PPP1R1C: variants seen among roughly 807,000 people sequenced by gnomAD.
PPP1R1C encodes the protein protein phosphatase 1 regulatory inhibitor subunit 1C.
PPP1R1C carries 15 observed loss-of-function variants against 17.4 expected under a neutral mutation model. The observed-to-expected ratio is 0.86, with a 90% CI of 0.58 to 1.33. PPP1R1C has a LOEUF of 1.33. Ranked by LOEUF, PPP1R1C falls within the 40% of genes most tolerant of loss-of-function variation. PPP1R1C has a pLI of 0.00. For synonymous variants in PPP1R1C, 35 were observed against 43.1 expected (o/e 0.81, Z 0.73); for missense variants, 143 against 130.0 (o/e 1.10, Z -0.48).
intron 5 of PPP1R1C, among the ~76,000 whole-genome samples, chr2:182,123,704 GT>G (rs1689795136): frequency 6.6e-6 from 1 of 152,008 alleles, no homozygotes; most frequent in Non-Finnish European, 1.5e-5. Flanking sequence ...GGGGTTGTTT[GT>G]TTTTTTCTTG....
At chr2:182,098,933 C>T (rs560903343) in intron 4 of PPP1R1C, among the ~76,000 whole-genome samples, 5 of 152,298 alleles carry the variant, frequency 3.3e-5, no homozygotes, top group African/African-American at 4.8e-5. Context: ...ATTACTTGAA[C>T]GTTTCTTCTC....
At chr2:182,125,328 G>A (rs1689848347) in intron 5 of PPP1R1C, among the ~76,000 whole-genome samples, 1 of 152,034 alleles carries the variant, frequency 6.6e-6, no homozygotes. Flanking sequence ...TTTTCACATC[G>A]ATGTTCATCA....
chr2:182,064,059 C>T (rs1687919205), intron 4 of PPP1R1C: 3 of 415,634 alleles, frequency 7.2e-6, no homozygotes, highest in Non-Finnish European at 1.3e-5. Context: ...TTTTTTTTTA[C>T]CGTTATTCGC....
chr2:182,125,946 T>C (rs1689862368), intron 5 of PPP1R1C, among the ~76,000 whole-genome samples: 1 of 152,176 alleles, frequency 6.6e-6, no homozygotes, highest in Admixed American at 6.6e-5. Flanking sequence ...TTTCTTGTCT[T>C]CTGCAAGCTT....
At chr2:182,023,250 G>T (rs1686485143) in intron 2 of PPP1R1C, among the ~76,000 whole-genome samples, 1 of 152,044 alleles carries the variant, frequency 6.6e-6, no homozygotes, top group Non-Finnish European at 1.5e-5. Context: ...CAGATGATAA[G>T]AAGAAACAGT....
chr2:182,058,273 C>T (rs13397924), intron 2 of PPP1R1C, among the ~76,000 whole-genome samples: 72 of 152,068 alleles, frequency 4.7e-4, no homozygotes, highest in African/African-American at 1.7e-3. Context: ...TACTAGTCAG[C>T]AATCTTGTAC....
chr2:182,056,222 T>C (rs931575818), intron 2 of PPP1R1C, among the ~76,000 whole-genome samples: 10 of 152,222 alleles, frequency 6.6e-5, no homozygotes, highest in Non-Finnish European at 2.9e-5. Flanking sequence ...GTCTGGCCTT[T>C]GTCTTTCACA....
chr2:181,964,104 A>G (rs534741075), intron 1 of PPP1R1C, among the ~76,000 whole-genome samples: 2 of 152,036 alleles, frequency 1.3e-5, no homozygotes, highest in Non-Finnish European at 2.9e-5. Context: ...CTACTCCCTC[A>G]CTCCACAAGT....
At chr2:181,958,054 A>T (rs988659154) in intron 1 of PPP1R1C, among the ~76,000 whole-genome samples, 1 of 152,206 alleles carries the variant, frequency 6.6e-6, no homozygotes, top group African/African-American at 2.4e-5. Context: ...TTTCCAATAT[A>T]GCTGTTTTCA....
rs1684932565 is a variant in PPP1R1C at position 181,967,810 on chromosome 2, G to A, written n.112-7409G>A. ...GGCTCACTGCAACCTCCGCCTTCCA[G>A]GTTCAAGCAATTCTCCTGCCTCAGC... On this transcript the variant is annotated intron_variant and non_coding_transcript_variant, in intron 1 of 5. Coordinates refer to the PPP1R1C transcript ENST00000464264. The surrounding 1 kb of genome is among the most constrained non-coding windows in gnomAD (Gnocchi z 5.5). Among the ~76,000 whole-genome samples, 1 of 152,172 alleles carries A rather than the reference G, an allele frequency of 6.6e-6. No homozygotes were observed. The highest frequency in any genetic ancestry group is 1.5e-5 in the Non-Finnish European group (1 of 68,034).
chr2:181,962,557 A>C lies in PPP1R1C; in HGVS notation n.111+7923A>C, dbSNP rs1055995397. 2 of 563,632 alleles carry C rather than the reference A, an allele frequency of 3.5e-6. No individual in the cohort carries two copies. Among genetic ancestry groups the C allele is most frequent in the Non-Finnish European group, 6.4e-6 (2 of 311,582 alleles). 34.9% of individuals were successfully genotyped at this position (563,632 alleles called of 1,614,324 possible). A position where few individuals can be genotyped will look rare whatever the true frequency, so the allele number is the denominator to read the frequency against. On this transcript the variant is annotated intron_variant and non_coding_transcript_variant, in intron 1 of 5. Coordinates refer to the PPP1R1C transcript ENST00000464264. This position sits in a 1 kb window ranked among gnomAD's most constrained non-coding sequence, Gnocchi z 6.0. ...TAGCAGTTTTCTAAGGAACCTGCAG[A>C]GAAACATCAAGCTCAGATCGAACAA...
chr2:181,986,610 A>G (rs555213459), intron 1 of PPP1R1C, among the ~76,000 whole-genome samples: 1 of 152,324 alleles, frequency 6.6e-6, no homozygotes, highest in South Asian at 2.1e-4. Context: ...ATAGTTTGAG[A>G]CTATAGGCCT....
At chr2:182,024,149 A>C (rs1686518846) in intron 2 of PPP1R1C, among the ~76,000 whole-genome samples, 1 of 152,196 alleles carries the variant, frequency 6.6e-6, no homozygotes, top group South Asian at 2.1e-4. Flanking sequence ...GTTTTCTATG[A>C]GGCTTTCTAA....
chr2:182,129,751 G>T (rs1689962302), exon 6 of PPP1R1C: 1 of 152,054 alleles, frequency 6.6e-6, no homozygotes, highest in Non-Finnish European at 1.5e-5. Context: ...AGTTGTGATA[G>T]ATTTTAGAAT....
chr2:182,051,959 C>T (rs559236026), intron 2 of PPP1R1C, among the ~76,000 whole-genome samples: 22 of 151,408 alleles, frequency 1.5e-4, no homozygotes, highest in Admixed American at 2.6e-4. Flanking sequence ...GCTGAGATCG[C>T]GCCGTTGCAC....
At chr2:182,110,647 C>T (rs1431730696) in intron 4 of PPP1R1C, among the ~76,000 whole-genome samples, 3 of 152,172 alleles carry the variant, frequency 2.0e-5, no homozygotes, top group African/African-American at 7.2e-5. Context: ...ACACACACAA[C>T]ATTTGCTTCT....
Position 182,091,404 on chromosome 2 carries a change from G to C in PPP1R1C, c.242-25803G>C, listed in dbSNP as rs74707644. 1.7e-3 allele frequency among the ~76,000 whole-genome samples: 258 copies of C among 152,170 alleles called. 7 individuals carry two copies. The East Asian group carries it at 0.045, about 26-fold the overall frequency. On this transcript the variant is annotated intron_variant, in intron 4 of 4. Transcript: ENST00000682840. ...AGAGATTGGGGTGTAAATCACACTG[G>C]ATAGGTGGATGAGTGAACAGGCGGT... is the stretch of plus-strand genomic sequence containing the variant.
chr2:182,077,807 G>T (rs985634200), intron 4 of PPP1R1C, among the ~76,000 whole-genome samples: 2 of 152,158 alleles, frequency 1.3e-5, no homozygotes, highest in African/African-American at 4.8e-5. Flanking sequence ...ATTTTAAAAA[G>T]AACACAGTGC....
At chr2:182,003,474 T>C (rs1685830517) in intron 2 of PPP1R1C, among the ~76,000 whole-genome samples, 1 of 152,198 alleles carries the variant, frequency 6.6e-6, no homozygotes, top group African/African-American at 2.4e-5. Context: ...TTTAAGATAC[T>C]CAGATTCCAT....
Sources: allele counts gnomAD v4.1 joint callset (sites outside exome capture counted in the v4.1 genomes callset), GRCh38; gene constraint gnomAD v4.1.1; non-coding constraint Gnocchi (gnomAD v3.1); transcripts MANE v1.5; gene names NCBI Gene and HGNC (gene_info 2026-07-23, HGNC 2026-07-21).